SFT2D3: variants seen among roughly 807,000 people sequenced by gnomAD.
The protein encoded by SFT2D3 is vesicle transport protein SFT2C.
For synonymous variants in SFT2D3, 239 were observed against 191.2 expected, an observed-to-expected ratio of 1.25 and a Z score of -2.06; for missense variants, 405 against 334.6, an observed-to-expected ratio of 1.21 and a Z score of -1.64.
chr2:127,701,901 C>G lies in SFT2D3; in HGVS notation c.373C>G (p.Leu125Val). The G allele has an allele frequency of 6.9e-7, 1 of 1,454,644 alleles. No homozygotes were observed. The highest frequency in any genetic ancestry group is 9.0e-7 in the Non-Finnish European group (1 of 1,109,830). 90.1% of individuals were successfully genotyped at this position (1,454,644 alleles called of 1,614,324 possible). A position where few individuals can be genotyped will look rare whatever the true frequency, so the allele number is the denominator to read the frequency against. The part of the protein sequence containing the change: ...GSALALAGSA[L>V]LRGGAACGRL... ...GGCGCTGGCGTTGGCGGGAAGCGCG[C>G]TGCTGCGGGGCGGCGCGGCGTGCGG... The change falls in exon 1 of 1, where the codon CTG (leucine) becomes GTG (valine). Residue 125 changes from leucine (L) to valine (V), a missense_variant. Leu to Val is a conservative substitution (Grantham distance 32). Coordinates refer to ENST00000310981, the MANE Select transcript of SFT2D3 (RefSeq NM_032740.4).
chr2:127,702,498 G>GA lies in SFT2D3; in HGVS notation c.*327dup. 5.0e-6 allele frequency: 1 copy of GA among 198,766 alleles called. No individual in the cohort carries two copies. Among genetic ancestry groups the GA allele is most frequent in the Non-Finnish European group, 1.1e-5 (1 of 89,272 alleles). The allele number at this position is 198,766 out of a possible 1,614,324, so 12.3% of individuals were successfully genotyped here. ...GTGGTCTTAGGTTCGGCTGAGTAAA[G>GA]AAAAAGGATTTTTCTTCGAGTTAGC... On this transcript the variant is annotated 3_prime_UTR_variant, in exon 1 of 1. Transcript: ENST00000310981.
Position 127,703,077 on chromosome 2 carries a change from T to G in SFT2D3, c.*901T>G, listed in dbSNP as rs1685932679. On this transcript the variant is annotated 3_prime_UTR_variant, in exon 1 of 1. Transcript: ENST00000310981. ...CCTTCATTTTAGGTTCAGCAGTTAC[T>G]TTTAACTACCTTAATTTATTGCCAG... 1 of 167,092 alleles carries G rather than the reference T, an allele frequency of 6.0e-6. No homozygotes were observed. The highest frequency in any genetic ancestry group is 6.5e-5 in the Admixed American group (1 of 15,290). The allele number at this position is 167,092 out of a possible 1,614,324, so 10.4% of individuals were successfully genotyped here. A position where few individuals can be genotyped will look rare whatever the true frequency, so the allele number is the denominator to read the frequency against.
chr2:127,704,311 AG>A lies in SFT2D3; in HGVS notation c.*2137del, dbSNP rs1444963231. The A allele has an allele frequency of 6.0e-6, 1 of 166,978 alleles. No homozygotes were observed. Among genetic ancestry groups the A allele is most frequent in the South Asian group, 2.1e-4 (1 of 4,824 alleles). 10.3% of individuals were successfully genotyped at this position (166,978 alleles called of 1,614,324 possible). A position where few individuals can be genotyped will look rare whatever the true frequency, so the allele number is the denominator to read the frequency against. On this transcript the variant is annotated 3_prime_UTR_variant, in exon 1 of 1. Coordinates refer to ENST00000310981, the MANE Select transcript of SFT2D3 (RefSeq NM_032740.4). ...ATCTGTCAAGTCCAGTAGAGCTTCA[AG>A]GTAAAATGAAAATTTTTAAATGTGA...
Position 127,701,816 on chromosome 2 carries a change from C to T in SFT2D3, c.288C>T (p.Leu96=). The change falls in exon 1 of 1, where the codon CTC becomes CTT. Residue 96 remains leucine, a synonymous_variant. Transcript: ENST00000310981. ...LAALCFGLAA[L]YAPVLLLRAR... The stretch of plus-strand genomic sequence containing the variant: ...CACTGTGTTTCGGCCTAGCCGCGCT[C>T]TACGCACCGGTGTTGCTGCTGCGCG... 1.4e-6 allele frequency: 2 copies of T among 1,457,338 alleles called. No individual in the cohort carries two copies. The highest frequency in any genetic ancestry group is 1.8e-6 in the Non-Finnish European group (2 of 1,108,958). The allele number at this position is 1,457,338 out of a possible 1,614,324, so 90.3% of individuals were successfully genotyped here. A position where few individuals can be genotyped will look rare whatever the true frequency, so the allele number is the denominator to read the frequency against.
Position 127,701,696 on chromosome 2 carries a change from C to A in SFT2D3, c.168C>A (p.Ser56Arg). Residue 56 changes from serine to arginine, a missense_variant, in exon 1 of 1, where the codon AGC (serine) becomes AGA (arginine). By Grantham distance (110) the Ser-to-Arg change is moderately radical. Transcript: ENST00000310981. The stretch of plus-strand genomic sequence containing the variant: ...GCTTGCGCTGGACGTGGGCGCGGAG[C>A]CCTGCGGAGTCGGCAGCGGCCGGCC... ...RAGLRWTWAR[S>R]PAESAAAGLT... 1 of 1,319,166 alleles carries A rather than the reference C, an allele frequency of 7.6e-7. No homozygotes were observed. Among genetic ancestry groups the A allele is most frequent in the Non-Finnish European group, 9.6e-7 (1 of 1,039,790 alleles). The allele number at this position is 1,319,166 out of a possible 1,614,324, so 81.7% of individuals were successfully genotyped here. A position where few individuals can be genotyped will look rare whatever the true frequency, so the allele number is the denominator to read the frequency against.
chr2:127,702,393 A>C lies in SFT2D3; in HGVS notation c.*217A>C. 3.0e-6 allele frequency: 1 copy of C among 335,246 alleles called. No individual in the cohort carries two copies. The highest frequency in any genetic ancestry group is 5.7e-5 in the East Asian group (1 of 17,596). The allele number at this position is 335,246 out of a possible 1,614,324, so 20.8% of individuals were successfully genotyped here. On this transcript the variant is annotated 3_prime_UTR_variant, in exon 1 of 1. Coordinates refer to ENST00000310981, the MANE Select transcript of SFT2D3 (RefSeq NM_032740.4). ...CAGCTTTTTGTGCTGGACTTGGCAC[A>C]CGCTCTGAAAACTGAGATTTTGTCA... is the stretch of plus-strand genomic sequence containing the variant.
Position 127,702,298 on chromosome 2 carries a change from G to C in SFT2D3, c.*122G>C. The C allele has an allele frequency of 9.9e-7, 1 of 1,013,144 alleles. No individual in the cohort carries two copies. Among genetic ancestry groups the C allele is most frequent in the Non-Finnish European group, 1.2e-6 (1 of 800,676 alleles). 62.8% of individuals were successfully genotyped at this position (1,013,144 alleles called of 1,614,324 possible). A position where few individuals can be genotyped will look rare whatever the true frequency, so the allele number is the denominator to read the frequency against. On this transcript the variant is annotated 3_prime_UTR_variant, in exon 1 of 1. Coordinates refer to ENST00000310981, the MANE Select transcript of SFT2D3 (RefSeq NM_032740.4). ...CCGTGGCGAAGGCCCTGCCCTAACA[G>C]CCTGCGAGTCTAATCCGGGAGCGGC...
Position 127,704,491 on chromosome 2 carries a change from TTCTC to T in SFT2D3, c.*2321_*2324del, listed in dbSNP as rs777105185. ...TAGCTTCATGAAATTTGATTACAGT[TTCTC>T]TCTCTTTAAGCTATACCAGTTGGGG... is the stretch of plus-strand genomic sequence containing the variant. On this transcript the variant is annotated 3_prime_UTR_variant, in exon 1 of 1. Transcript: ENST00000310981. 3 of 167,046 alleles carry T rather than the reference TTCTC, an allele frequency of 1.8e-5. No homozygotes were observed. The highest frequency in any genetic ancestry group is 1.3e-4 in the Admixed American group (2 of 15,282). The allele number at this position is 167,046 out of a possible 1,614,324, so 10.3% of individuals were successfully genotyped here. A position where few individuals can be genotyped will look rare whatever the true frequency, so the allele number is the denominator to read the frequency against.
At position 127,701,552 on chromosome 2, in the gene SFT2D3, G is replaced by A; in HGVS notation, c.24G>A (p.Leu8=). The A allele has an allele frequency of 7.3e-7, 1 of 1,362,020 alleles. No individual in the cohort carries two copies. Among genetic ancestry groups the A allele is most frequent in the Non-Finnish European group, 9.5e-7 (1 of 1,056,300 alleles). 84.4% of individuals were successfully genotyped at this position (1,362,020 alleles called of 1,614,324 possible). MADLHRQ[L]QEYLAQGKAG... is the part of the protein sequence containing the mutation. Reference sequence around the variant, plus strand: ...AGATGGCGGACCTCCACCGCCAGCTGCAGGAGTACCTGGCGCAGGGGAAAG... The same window carrying A: ...AGATGGCGGACCTCCACCGCCAGCTACAGGAGTACCTGGCGCAGGGGAAAG... Residue 8 remains leucine (L), a synonymous_variant, in exon 1 of 1, where the codon CTG becomes CTA. Transcript: ENST00000310981.
In SFT2D3 at chr2:127,701,811, G is replaced by A; in HGVS notation, c.283G>A (p.Ala95Thr). Residue 95 changes from alanine (A) to threonine (T), a missense_variant, in exon 1 of 1, where the codon GCG becomes ACG. Ala to Thr is a moderately conservative substitution (Grantham distance 58, BLOSUM62 0). Coordinates refer to ENST00000310981, the MANE Select transcript of SFT2D3 (RefSeq NM_032740.4). ...GGCTGCACTGTGTTTCGGCCTAGCC[G>A]CGCTCTACGCACCGGTGTTGCTGCT... ...LLAALCFGLA[A>T]LYAPVLLLRA... is the part of the protein sequence containing the mutation. The A allele has an allele frequency of 6.2e-6, 9 of 1,456,380 alleles. No homozygotes were observed. Among genetic ancestry groups the A allele is most frequent in the Non-Finnish European group, 6.3e-6 (7 of 1,108,368 alleles). 90.2% of individuals were successfully genotyped at this position (1,456,380 alleles called of 1,614,324 possible).
In SFT2D3 at chr2:127,701,842, C is replaced by G. The variant is rs1451349395; in HGVS notation, c.314C>G (p.Ala105Gly). The change falls in exon 1 of 1, where the codon GCG (alanine) becomes GGG (glycine). Residue 105 changes from alanine (A) to glycine (G), a missense_variant. Physicochemically the swap from Ala to Gly is moderately conservative, Grantham distance 60. Transcript: ENST00000310981. Reference protein sequence around the residue: ...ALYAPVLLLRARKFALLWSLG... With the variant: ...ALYAPVLLLRGRKFALLWSLG... ...TACGCACCGGTGTTGCTGCTGCGCG[C>G]GCGCAAGTTCGCGCTGCTCTGGTCA... The G allele has an allele frequency of 1.4e-5, 20 of 1,458,578 alleles. No homozygotes were observed. Among genetic ancestry groups the G allele is most frequent in the Non-Finnish European group, 1.8e-5 (20 of 1,109,854 alleles). 90.4% of individuals were successfully genotyped at this position (1,458,578 alleles called of 1,614,324 possible).
rs995542550 is a variant in SFT2D3 at position 127,704,512 on chromosome 2, C to G, written c.*2336C>G. 2.2e-4 allele frequency: 37 copies of G among 166,758 alleles called. No homozygotes were observed. Among genetic ancestry groups the G allele is most frequent in the African/African-American group, 8.7e-4 (36 of 41,300 alleles). 10.3% of individuals were successfully genotyped at this position (166,758 alleles called of 1,614,324 possible). On this transcript the variant is annotated 3_prime_UTR_variant, in exon 1 of 1. Coordinates refer to ENST00000310981, the MANE Select transcript of SFT2D3 (RefSeq NM_032740.4). ...CAGTTTCTCTCTCTTTAAGCTATAC[C>G]AGTTGGGGGTGAGTGAAGAAATACC...
Position 127,701,576 on chromosome 2 carries a change from A to G in SFT2D3, c.48A>G (p.Lys16=). 7.4e-7 allele frequency: 1 copy of G among 1,346,992 alleles called. No individual in the cohort carries two copies. The highest frequency in any genetic ancestry group is 3.5e-5 in the Admixed American group (1 of 28,734). 83.4% of individuals were successfully genotyped at this position (1,346,992 alleles called of 1,614,324 possible). ...RQLQEYLAQG[K]AGGPAAAEPL... is the part of the protein sequence containing the mutation. ...TGCAGGAGTACCTGGCGCAGGGGAA[A>G]GCTGGCGGCCCGGCGGCCGCGGAGC... is the stretch of plus-strand genomic sequence containing the variant. Residue 16 remains lysine, a synonymous_variant, in exon 1 of 1, where the codon AAA becomes AAG. Transcript: ENST00000310981.
rs1257331143 is a variant in SFT2D3 at position 127,701,783 on chromosome 2, G to T, written c.255G>T (p.Leu85=). The change falls in exon 1 of 1, where the codon CTG becomes CTT. Residue 85 remains leucine, a synonymous_variant. Transcript: ENST00000310981. ...TGGCGGCGGGCGGCGGGTGCCTGCT[G>T]CTGGCTGCACTGTGTTTCGGCCTAG... ...QRLAAGGGCL[L]LAALCFGLAA... 6 of 1,437,474 alleles carry T rather than the reference G, an allele frequency of 4.2e-6. No individual in the cohort carries two copies. The highest frequency in any genetic ancestry group is 2.4e-4 in the Middle Eastern group (1 of 4,128). 89.0% of individuals were successfully genotyped at this position (1,437,474 alleles called of 1,614,324 possible).
In SFT2D3 at chr2:127,703,549, G is replaced by C. The variant is rs1244778208; in HGVS notation, c.*1373G>C. The C allele has an allele frequency of 6.0e-6, 1 of 167,082 alleles. No homozygotes were observed. Among genetic ancestry groups the C allele is most frequent in the Non-Finnish European group, 1.5e-5 (1 of 68,132 alleles). 10.3% of individuals were successfully genotyped at this position (167,082 alleles called of 1,614,324 possible). Reference sequence around the variant, plus strand: ...ACAAGTGGCCAACATCCACACTGTAGGCTTGCAGGCTACCCGCCCTGAGAT... The same window carrying C: ...ACAAGTGGCCAACATCCACACTGTACGCTTGCAGGCTACCCGCCCTGAGAT... On this transcript the variant is annotated 3_prime_UTR_variant, in exon 1 of 1. Transcript: ENST00000310981.
rs568397485 is a variant in SFT2D3 at position 127,704,459 on chromosome 2, C to G, written c.*2283C>G. 1 of 167,062 alleles carries G rather than the reference C, an allele frequency of 6.0e-6. No homozygotes were observed. Among genetic ancestry groups the G allele is most frequent in the South Asian group, 2.1e-4 (1 of 4,818 alleles). The allele number at this position is 167,062 out of a possible 1,614,324, so 10.3% of individuals were successfully genotyped here. On this transcript the variant is annotated 3_prime_UTR_variant, in exon 1 of 1. Coordinates refer to ENST00000310981, the MANE Select transcript of SFT2D3 (RefSeq NM_032740.4). ...CTTGATATGGGTTTGGTCTCTGGAT[C>G]CGGTTTTAGCTTCATGAAATTTGAT...
At position 127,701,665 on chromosome 2, in the gene SFT2D3, G is replaced by A. The variant is rs1380954139; in HGVS notation, c.137G>A (p.Arg46His). The change falls in exon 1 of 1, where the codon CGC becomes CAC. Residue 46 changes from arginine to histidine, a missense_variant. Physicochemically the swap from Arg to His is conservative, Grantham distance 29. Transcript: ENST00000310981. ...GDRPAEEWLG[R>H]AGLRWTWARS... ...CGGCCGGCGGAGGAGTGGCTGGGCC[G>A]CGCGGGCTTGCGCTGGACGTGGGCG... is the stretch of plus-strand genomic sequence containing the variant. 2 of 1,276,446 alleles carry A rather than the reference G, an allele frequency of 1.6e-6. No homozygotes were observed. The highest frequency in any genetic ancestry group is 2.0e-6 in the Non-Finnish European group (2 of 1,016,024). The allele number at this position is 1,276,446 out of a possible 1,614,324, so 79.1% of individuals were successfully genotyped here.
At position 127,704,300 on chromosome 2, in the gene SFT2D3, G is replaced by A. The variant is rs562901356; in HGVS notation, c.*2124G>A. 1 of 166,984 alleles carries A rather than the reference G, an allele frequency of 6.0e-6. No homozygotes were observed. The highest frequency in any genetic ancestry group is 2.4e-5 in the African/African-American group (1 of 41,484). The allele number at this position is 166,984 out of a possible 1,614,324, so 10.3% of individuals were successfully genotyped here. On this transcript the variant is annotated 3_prime_UTR_variant, in exon 1 of 1. Transcript: ENST00000310981. ...CTCAAAATGTGATCTGTCAAGTCCA[G>A]TAGAGCTTCAAGGTAAAATGAAAAT... is the stretch of plus-strand genomic sequence containing the variant.
chr2:127,703,733 TTC>T lies in SFT2D3; in HGVS notation c.*1559_*1560del, dbSNP rs925663104. 10 of 167,232 alleles carry T rather than the reference TTC, an allele frequency of 6.0e-5. No individual in the cohort carries two copies. Among genetic ancestry groups the T allele is most frequent in the African/African-American group, 1.7e-4 (7 of 41,582 alleles). The allele number at this position is 167,232 out of a possible 1,614,324, so 10.4% of individuals were successfully genotyped here. On this transcript the variant is annotated 3_prime_UTR_variant, in exon 1 of 1. Transcript: ENST00000310981. ...GGCTGCTCTTTCTAGTCCCCTAAATTTCTGTTCTAGTTTTAAATTTCTCTAGA... is the reference window on the plus strand; with the variant it reads ...GGCTGCTCTTTCTAGTCCCCTAAATTTGTTCTAGTTTTAAATTTCTCTAGA...
Sources: gnomAD v4.1 joint callset for allele counts on GRCh38, gnomAD v4.1.1 for gene constraint, MANE v1.5 for transcripts, NCBI Gene and HGNC (gene_info 2026-07-23, HGNC 2026-07-21) for gene names.